NRG1: variants seen among roughly 807,000 people sequenced by gnomAD.
NRG1 encodes the protein pro-neuregulin-1, membrane-bound isoform.
A neutral mutation model predicts 63.8 loss-of-function variants in NRG1; 18 were observed. The ratio of observed to expected loss-of-function variants is 0.28; its 90% CI spans 0.19 to 0.42. The LOEUF (loss-of-function observed/expected upper bound fraction) is 0.42. Among genes scored for constraint, NRG1 ranks in the 10% least tolerant of loss-of-function variants. The pLI, the probability that NRG1 is intolerant of heterozygous loss-of-function variation, is 1.00. For synonymous variants in NRG1, 302 were observed against 301.3 expected (o/e 1.00, Z -0.02); for missense variants, 762 against 814.7 (o/e 0.94, Z 0.79).
intron 1 of NRG1, among the ~76,000 whole-genome samples, chr8:32,538,991 A>G (rs57138658): frequency 0.01 from 1,595 of 152,298 alleles, 30 homozygotes; most frequent in African/African-American, 0.037. Context: ...TTGGGTCTGG[A>G]AGAATGGAAC....
intron 1 of NRG1, among the ~76,000 whole-genome samples, chr8:32,285,263 GGA>G (rs1853393211): frequency 1.3e-5 from 2 of 151,968 alleles, no homozygotes; most frequent in African/African-American, 4.8e-5. Flanking sequence ...CCTGAAGTTC[GGA>G]GAGGTGGAAC....
chr8:32,740,272 T>C (rs1826009287), intron 6 of NRG1, among the ~76,000 whole-genome samples: 1 of 144,240 alleles, frequency 6.9e-6, no homozygotes, highest in Admixed American at 7.4e-5. Context: ...CTCAGCTTAC[T>C]GCAACCTCTG....
chr8:32,510,125 A>C (rs9297194), intron 1 of NRG1, among the ~76,000 whole-genome samples: 14,008 of 148,002 alleles, frequency 0.095, 699 homozygotes, highest in Middle Eastern at 0.14. Context: ...TAATAATAAT[A>C]ATCATAAAAG....
At chr8:31,917,025 G>A (rs1054629327) in intron 1 of NRG1, among the ~76,000 whole-genome samples, 4 of 151,680 alleles carry the variant, frequency 2.6e-5, no homozygotes, top group East Asian at 1.9e-4. Flanking sequence ...GTCTGTTCAT[G>A]TCCTTCGCCC....
intron 1 of NRG1, among the ~76,000 whole-genome samples, chr8:31,686,368 G>A (rs927721546): frequency 6.6e-6 from 1 of 151,608 alleles, no homozygotes; most frequent in Non-Finnish European, 1.5e-5. Context: ...TAAGCATTTA[G>A]AAAAAAAATG....
intron 1 of NRG1, among the ~76,000 whole-genome samples, chr8:32,046,105 C>A (rs1820952052): frequency 7.0e-6 from 1 of 143,822 alleles, no homozygotes; most frequent in Admixed American, 7.2e-5. Context: ...GGCAAAAATA[C>A]AAAGAACACG....
At chr8:31,679,881 A>G (rs1563285595) in intron 1 of NRG1, among the ~76,000 whole-genome samples, 1 of 152,156 alleles carries the variant, frequency 6.6e-6, no homozygotes, top group Non-Finnish European at 1.5e-5. Flanking sequence ...AACAAAATCA[A>G]TGTACAAAAT....
At chr8:32,261,148 A>G (rs897389622) in intron 1 of NRG1, among the ~76,000 whole-genome samples, 2 of 152,192 alleles carry the variant, frequency 1.3e-5, no homozygotes, top group Non-Finnish European at 2.9e-5. Flanking sequence ...GCTAATGTGG[A>G]AAACTTACAT....
intron 5 of NRG1, among the ~76,000 whole-genome samples, chr8:32,624,383 C>G (rs1166795953): frequency 6.6e-6 from 1 of 152,094 alleles, no homozygotes; most frequent in African/African-American, 2.4e-5. Context: ...AGAATCATTA[C>G]AGAGAGGAGA....
intron 1 of NRG1, among the ~76,000 whole-genome samples, chr8:32,510,125 A>AGCATCATCATC (rs1554566713): frequency 2.7e-5 from 4 of 147,994 alleles, no homozygotes; most frequent in Non-Finnish European, 6.0e-5. Context: ...TAATAATAAT[A>AGCATCATCATC]ATCATAAAAG....
chr8:32,248,343 T>C (rs922518668), intron 1 of NRG1, among the ~76,000 whole-genome samples: 1 of 152,070 alleles, frequency 6.6e-6, no homozygotes, highest in South Asian at 2.1e-4. Context: ...TGAATACACA[T>C]CTCACAACTT....
intron 1 of NRG1, among the ~76,000 whole-genome samples, chr8:32,439,808 T>C (rs1254900249): frequency 2.0e-5 from 3 of 150,392 alleles, no homozygotes; most frequent in African/African-American, 7.3e-5. Context: ...TCTCACTCTA[T>C]GGCCCAGGCT....
At chr8:31,664,161 C>T (rs1806292551) in intron 1 of NRG1, among the ~76,000 whole-genome samples, 1 of 152,188 alleles carries the variant, frequency 6.6e-6, no homozygotes, top group African/African-American at 2.4e-5. Flanking sequence ...GGTTCCCCTC[C>T]TTCCTTCTCC....
At chr8:32,429,708 C>T (rs1476638145) in intron 1 of NRG1, among the ~76,000 whole-genome samples, 2 of 152,066 alleles carry the variant, frequency 1.3e-5, no homozygotes, top group Non-Finnish European at 2.9e-5. Flanking sequence ...AAGAAGTTAT[C>T]GCAAACAGTG....
intron 1 of NRG1, among the ~76,000 whole-genome samples, chr8:32,069,198 C>T (rs1018966825): frequency 3.9e-5 from 6 of 152,092 alleles, no homozygotes; most frequent in African/African-American, 1.4e-4. Context: ...TCAAAGTGAA[C>T]TTATCTGAGT....
At chr8:31,877,188 T>G (rs1270113111) in intron 1 of NRG1, among the ~76,000 whole-genome samples, 1 of 152,208 alleles carries the variant, frequency 6.6e-6, no homozygotes, top group Non-Finnish European at 1.5e-5. Flanking sequence ...AATTTCAAAG[T>G]TGATGGCCTT....
intron 1 of NRG1, among the ~76,000 whole-genome samples, chr8:32,085,029 A>G (rs1287045502): frequency 1.3e-5 from 2 of 152,240 alleles, no homozygotes; most frequent in Non-Finnish European, 2.9e-5. Context: ...ACAACTACAC[A>G]TATGCGCAAG....
At chr8:32,323,430 A>G (rs1801644134) in intron 1 of NRG1, among the ~76,000 whole-genome samples, 1 of 152,198 alleles carries the variant, frequency 6.6e-6, no homozygotes, top group African/African-American at 2.4e-5. Context: ...TATAGGGTGG[A>G]AAATCACAGC....
intron 1 of NRG1, among the ~76,000 whole-genome samples, chr8:32,382,020 G>C (rs992579269): frequency 2.6e-5 from 4 of 152,160 alleles, no homozygotes; most frequent in Non-Finnish European, 5.9e-5. Context: ...TGAATAGCAT[G>C]AATGAGATGA....
Sources: gnomAD v4.1 joint callset for allele counts (sites outside exome capture counted in the v4.1 genomes callset) on GRCh38, gnomAD v4.1.1 for gene constraint, MANE v1.5 for transcripts, NCBI Gene and HGNC (gene_info 2026-07-23, HGNC 2026-07-21) for gene names.